AKR7A2: variants seen among roughly 807,000 people sequenced by gnomAD.
AKR7A2 encodes the protein aflatoxin B1 aldehyde reductase member 2.
In AKR7A2, 29 loss-of-function variants were observed where a neutral mutation model predicts 37.3. The observed-to-expected ratio is 0.78, with a 90% CI of 0.58 to 1.06. The LOEUF (loss-of-function observed/expected upper bound fraction) is 1.06. AKR7A2 is among the 50% of genes least tolerant of loss of function. AKR7A2 has a pLI of 0.00. For missense variants in AKR7A2, 529 were observed against 497.9 expected (o/e 1.06, Z -0.59); for synonymous variants, 228 against 217.8 (o/e 1.05, Z -0.41).
chr1:19,309,691 G>A (rs2093768769), intron 1 of AKR7A2, among the ~76,000 whole-genome samples: 1 of 152,148 alleles, frequency 6.6e-6, no homozygotes, highest in Non-Finnish European at 1.5e-5. Context: ...TTGGGAGGCT[G>A]AGTAGGGAGA....
rs1340304016 is a variant in AKR7A2 at position 19,306,990 on chromosome 1, C to A, written c.788+12G>T. 6.2e-7 allele frequency: 1 copy of A among 1,613,062 alleles called. No individual in the cohort carries two copies. Among genetic ancestry groups the A allele is most frequent in the Non-Finnish European group, 8.5e-7 (1 of 1,179,158 alleles). ...ACCCCAGCCATCCTCACCAAGCCCACCCCCGGCTCACCGATTCCTGTAGGT... is the reference window on the plus strand; with the variant it reads ...ACCCCAGCCATCCTCACCAAGCCCAACCCCGGCTCACCGATTCCTGTAGGT... On this transcript the variant is annotated intron_variant, in intron 5 of 6. Coordinates refer to ENST00000235835, the MANE Select transcript of AKR7A2 (RefSeq NM_003689.4).
At chr1:19,306,956 T>G (rs753148581) in intron 5 of AKR7A2, 46 bp downstream of exon 5, 10 of 1,551,788 alleles carry the variant, frequency 6.4e-6, no homozygotes, top group African/African-American at 4.1e-5. Flanking sequence ...TCCACATAGA[T>G]TTGACCCCAC....
chr1:19,312,065 A>G lies in AKR7A2; in HGVS notation c.60T>C (p.Ser20=). Residue 20 remains serine, a synonymous_variant, in exon 1 of 7, where the codon TCT becomes TCC. Coordinates refer to ENST00000235835, the MANE Select transcript of AKR7A2 (RefSeq NM_003689.4). Reference sequence around the variant, plus strand: ...CGAGCGCGCGGGCCTCGGGCGGCGGAGAGCGAAGCGCGCAGTGGACGGCGG... The same window carrying G: ...CGAGCGCGCGGGCCTCGGGCGGCGGGGAGCGAAGCGCGCAGTGGACGGCGG... ...SRAAVHCALR[S]PPPEARALAM... 2 of 1,360,582 alleles carry G rather than the reference A, an allele frequency of 1.5e-6. No individual in the cohort carries two copies. The highest frequency in any genetic ancestry group is 1.9e-6 in the Non-Finnish European group (2 of 1,064,758). 84.3% of individuals were successfully genotyped at this position (1,360,582 alleles called of 1,614,324 possible).
chr1:19,307,902 T>A, intron 3 of AKR7A2: 1 of 586,078 alleles, frequency 1.7e-6, no homozygotes, highest in South Asian at 2.0e-5. Flanking sequence ...AGGGGAAATG[T>A]GTTCCAGGCT....
chr1:19,304,893 T>C (rs1256857841), intron 6 of AKR7A2, among the ~76,000 whole-genome samples: 1 of 152,008 alleles, frequency 6.6e-6, no homozygotes, highest in Non-Finnish European at 1.5e-5. Context: ...GAGCTATGAG[T>C]GTGCTGCTGT....
At chr1:19,304,480 C>T in intron 6 of AKR7A2, 94 bp from the exon 7 acceptor site, 1 of 1,602,564 alleles carries the variant, frequency 6.2e-7, no homozygotes, top group Non-Finnish European at 8.5e-7. Context: ...GATCTGGGGT[C>T]TCTGTTTATA....
downstream of AKR7A2, among the ~76,000 whole-genome samples, chr1:19,303,093 A>G (rs1435262305): frequency 6.6e-6 from 1 of 152,110 alleles, no homozygotes; most frequent in Non-Finnish European, 1.5e-5. Flanking sequence ...TTACGGGTAA[A>G]CAGAAAAGAC....
intron 1 of AKR7A2, 99 bp downstream of exon 1, chr1:19,311,728 G>A (rs2093776349): frequency 1.3e-5 from 19 of 1,493,840 alleles, no homozygotes; most frequent in Non-Finnish European, 1.7e-5. Flanking sequence ...GGACGAATCC[G>A]TCGGTGCTGC....
At chr1:19,311,502 G>T (rs2093775150) in intron 1 of AKR7A2, among the ~76,000 whole-genome samples, 1 of 152,230 alleles carries the variant, frequency 6.6e-6, no homozygotes, top group African/African-American at 2.4e-5. Flanking sequence ...AGAAAAGGGG[G>T]AGAGCCTGGG....
intron 6 of AKR7A2, among the ~76,000 whole-genome samples, chr1:19,304,710 A>T (rs953858609): frequency 1.3e-5 from 2 of 152,182 alleles, no homozygotes; most frequent in Non-Finnish European, 2.9e-5. Flanking sequence ...TCAAGGTGGG[A>T]AGAACACTTG....
chr1:19,306,927 G>A, intron 5 of AKR7A2, 75 bp downstream of exon 5: 1 of 1,332,192 alleles, frequency 7.5e-7, no homozygotes, highest in Non-Finnish European at 1.1e-6. Flanking sequence ...CTTACCTCAG[G>A]AACAGCCCAG....
chr1:19,308,136 C>G, intron 3 of AKR7A2, 22 bp downstream of exon 3: 1 of 1,612,520 alleles, frequency 6.2e-7, no homozygotes, highest in Non-Finnish European at 8.5e-7. Context: ...GAGACCTTGG[C>G]CTCTGCAGCC....
intron 3 of AKR7A2, 68 bp from the exon 4 acceptor site, chr1:19,307,478 C>A: frequency 1.3e-6 from 2 of 1,543,780 alleles, no homozygotes; most frequent in South Asian, 2.3e-5. Flanking sequence ...CTTCCACTTT[C>A]AAACCTCTAA....
At chr1:19,306,689 C>T (rs1293706283) in intron 5 of AKR7A2, among the ~76,000 whole-genome samples, 1 of 151,876 alleles carries the variant, frequency 6.6e-6, no homozygotes, top group Non-Finnish European at 1.5e-5. Context: ...ACTTCGGTGT[C>T]CCAAAGTGCT....
At chr1:19,309,060 A>T (rs2093767533) in intron 1 of AKR7A2, among the ~76,000 whole-genome samples, 1 of 152,214 alleles carries the variant, frequency 6.6e-6, no homozygotes, top group Non-Finnish European at 1.5e-5. Context: ...GGCTTTCTCT[A>T]GGGGATCACT....
intron 1 of AKR7A2, among the ~76,000 whole-genome samples, chr1:19,310,672 AAAT>A (rs1177355371): frequency 3.3e-5 from 5 of 152,168 alleles, no homozygotes; most frequent in African/African-American, 2.4e-5. Context: ...ATTCCGTCTC[AAAT>A]AATAATAATA....
downstream of AKR7A2, among the ~76,000 whole-genome samples, chr1:19,303,686 T>C (rs1415995106): frequency 6.6e-6 from 1 of 152,218 alleles, no homozygotes; most frequent in East Asian, 1.9e-4. Context: ...TCCCAGTTGT[T>C]TCATTCCTAA....
intron 2 of AKR7A2, 39 bp from the exon 3 acceptor site, chr1:19,308,301 C>T: frequency 6.2e-7 from 1 of 1,613,714 alleles, no homozygotes; most frequent in Non-Finnish European, 8.5e-7. Flanking sequence ...CAGTGTAGCC[C>T]AGACCAGGAA....
intron 4 of AKR7A2, 98 bp downstream of exon 4, chr1:19,307,216 C>A: frequency 6.3e-7 from 1 of 1,598,518 alleles, no homozygotes; most frequent in South Asian, 1.1e-5. Context: ...AAGAACACAG[C>A]CCAGCCTCTT....
Sources: allele counts gnomAD v4.1 joint callset (sites outside exome capture counted in the v4.1 genomes callset), GRCh38; gene constraint gnomAD v4.1.1; transcripts MANE v1.5; gene names NCBI Gene and HGNC (gene_info 2026-07-23, HGNC 2026-07-21).